Variants in CTNNA2 observed in about 807,000 individuals in gnomAD.
The protein encoded by CTNNA2 is catenin alpha 2, also known as catenin alpha-2.
A neutral mutation model predicts 101.0 loss-of-function variants in CTNNA2; 42 were observed. That is an observed-to-expected ratio of 0.42 (90% CI 0.32 to 0.54). CTNNA2 has a LOEUF of 0.54. Among genes scored for constraint, CTNNA2 ranks in the 20% least tolerant of loss-of-function variants. The probability of loss-of-function intolerance (pLI) is 0.14; values close to 1 mark genes in which losing one functional copy is unlikely to be tolerated. For missense variants in CTNNA2, 871 were observed against 1,223.1 expected, an observed-to-expected ratio of 0.71 and a Z score of 4.29; for synonymous variants, 450 against 456.4, an observed-to-expected ratio of 0.99 and a Z score of 0.18.
At chr2:80,098,419 G>C (rs575105794) in intron 7 of CTNNA2, among the ~76,000 whole-genome samples, 1 of 152,290 alleles carries the variant, frequency 6.6e-6, no homozygotes, top group African/African-American at 2.4e-5. Flanking sequence ...CGCCCCCACG[G>C]GGGGGTTGCC....
chr2:79,277,460 G>T (rs1675242331), intron 2 of CTNNA2, among the ~76,000 whole-genome samples: 1 of 151,972 alleles, frequency 6.6e-6, no homozygotes, highest in Admixed American at 6.6e-5. Flanking sequence ...ATGCAGCCTG[G>T]GGGCAAGACA....
In CTNNA2 at chr2:80,081,674, T is replaced by C. The variant is rs545673267; in HGVS notation, c.1056+171877T>C. Among the ~76,000 whole-genome samples, 9 of 152,240 alleles carry C rather than the reference T, an allele frequency of 5.9e-5. No homozygotes were observed. In the South Asian group the frequency reaches 1.7e-3, roughly 28 times the overall value. On this transcript the variant is annotated intron_variant, in intron 7 of 18. Transcript: ENST00000402739. Reference sequence around the variant, plus strand: ...CTCTTTCTTGCTTACCTTTATTGTTTAATTTCACTTTCTTTTTTTCTCTAT... The same window carrying C: ...CTCTTTCTTGCTTACCTTTATTGTTCAATTTCACTTTCTTTTTTTCTCTAT...
At chr2:79,522,760 A>G (rs981223679) in intron 1 of CTNNA2, among the ~76,000 whole-genome samples, 4 of 152,194 alleles carry the variant, frequency 2.6e-5, no homozygotes, top group Non-Finnish European at 5.9e-5. Flanking sequence ...GGTAGCTGAA[A>G]AGTGAGACTA....
At chr2:80,465,058 G>A (rs1684742922) in intron 9 of CTNNA2, among the ~76,000 whole-genome samples, 1 of 152,066 alleles carries the variant, frequency 6.6e-6, no homozygotes, top group African/African-American at 2.4e-5. Context: ...TGCTCCATTG[G>A]GATGAGAGCT....
intron 7 of CTNNA2, among the ~76,000 whole-genome samples, chr2:80,105,512 C>T (rs986272339): frequency 1.3e-5 from 2 of 152,068 alleles, no homozygotes; most frequent in African/African-American, 4.8e-5. Flanking sequence ...TTGCTTGAGA[C>T]CAGGAGTTCG....
intron 2 of CTNNA2, among the ~76,000 whole-genome samples, chr2:79,292,309 T>G (rs1285647842): frequency 6.6e-6 from 1 of 152,174 alleles, no homozygotes; most frequent in Non-Finnish European, 1.5e-5. Flanking sequence ...TGCTATTTAT[T>G]GGAGCACTGG....
chr2:80,645,993 C>T (rs1248773774), intron 18 of CTNNA2, among the ~76,000 whole-genome samples: 1 of 152,082 alleles, frequency 6.6e-6, no homozygotes, highest in East Asian at 1.9e-4. Flanking sequence ...CACAGCGCAA[C>T]ATTAATTTAG....
intron 7 of CTNNA2, among the ~76,000 whole-genome samples, chr2:80,091,808 A>G (rs1161247499): frequency 6.6e-6 from 1 of 151,816 alleles, no homozygotes; most frequent in Non-Finnish European, 1.5e-5. Flanking sequence ...CAAATCAATC[A>G]GTTGATTTCA....
At chr2:80,341,351 A>G (rs1286895582) in intron 7 of CTNNA2, among the ~76,000 whole-genome samples, 1 of 152,170 alleles carries the variant, frequency 6.6e-6, no homozygotes, top group Non-Finnish European at 1.5e-5. Flanking sequence ...CATCTCATTA[A>G]TATAGAAAAG....
chr2:80,390,384 A>T (rs1677395462), intron 7 of CTNNA2, among the ~76,000 whole-genome samples: 1 of 152,194 alleles, frequency 6.6e-6, no homozygotes, highest in Non-Finnish European at 1.5e-5. Context: ...ATCACTTTTC[A>T]TGTGTTCCCC....
intron 1 of CTNNA2, among the ~76,000 whole-genome samples, chr2:79,552,275 AAAGCTCCAAAGT>A (rs1674153455): frequency 1.3e-5 from 2 of 152,112 alleles, no homozygotes; most frequent in South Asian, 4.1e-4. Context: ...ATTAAACCTA[AAAGCTCCAAAGT>A]AATCTCCTTT....
intron 4 of CTNNA2, among the ~76,000 whole-genome samples, chr2:79,413,492 A>G (rs1021239845): frequency 1.2e-4 from 18 of 152,082 alleles, no homozygotes; most frequent in African/African-American, 4.1e-4. Context: ...GATTTTGAAT[A>G]TTAGTTACTT....
In CTNNA2 at chr2:80,583,114, G is replaced by A. The variant is rs1390338741; in HGVS notation, c.2007+1295G>A. Among the ~76,000 whole-genome samples, 3 of 152,286 alleles carry A rather than the reference G, an allele frequency of 2.0e-5. 1 individual carries two copies. The South Asian group carries it at 6.2e-4, about 32-fold the overall frequency. ...ATTAGAACCATGCTCAAAGCTACAT[G>A]TTGCTTGATTTTTCAGTTTCAGACC... On this transcript the variant is annotated intron_variant, in intron 14 of 18. Coordinates refer to ENST00000402739, the MANE Select transcript of CTNNA2 (RefSeq NM_001282597.3).
At chr2:79,214,829 G>T (rs1469164085) in intron 2 of CTNNA2, among the ~76,000 whole-genome samples, 3 of 151,512 alleles carry the variant, frequency 2.0e-5, no homozygotes, top group Non-Finnish European at 4.4e-5. Flanking sequence ...AAAAAAGAGT[G>T]CATAAAAGTA....
intron 7 of CTNNA2, among the ~76,000 whole-genome samples, chr2:80,058,801 C>T (rs1472802037): frequency 1.3e-5 from 2 of 152,124 alleles, no homozygotes; most frequent in East Asian, 3.9e-4. Context: ...CTGCTAAGCA[C>T]TACACAAAGC....
chr2:79,657,987 A>C (rs1421433901), intron 2 of CTNNA2, among the ~76,000 whole-genome samples: 8 of 151,932 alleles, frequency 5.3e-5, no homozygotes, highest in African/African-American at 1.9e-4. Context: ...ATTACAAGTA[A>C]TATGAAAATG....
chr2:80,159,776 T>TAA (rs1309841745), intron 7 of CTNNA2, among the ~76,000 whole-genome samples: 2 of 152,122 alleles, frequency 1.3e-5, no homozygotes, highest in Non-Finnish European at 1.5e-5. Flanking sequence ...GCCTGGCCCG[T>TAA]AACTTCTTTT....
rs1403212837 is a variant in CTNNA2 at position 79,571,034 on chromosome 2, C to T, written c.-6+57827C>T. Among the ~76,000 whole-genome samples the T allele has an allele frequency of 2.0e-5, 3 of 152,100 alleles. No individual in the cohort carries two copies. In the East Asian group the frequency reaches 5.8e-4, roughly 29 times the overall value. ...ATTTTATATCTGCAGTGATAACAACCCAATTTGTTTTCTTCTGAACTATCT... is the reference window on the plus strand; with the variant it reads ...ATTTTATATCTGCAGTGATAACAACTCAATTTGTTTTCTTCTGAACTATCT... On this transcript the variant is annotated intron_variant, in intron 1 of 18. Coordinates refer to ENST00000402739, the MANE Select transcript of CTNNA2 (RefSeq NM_001282597.3).
At chr2:80,096,003 T>A (rs537108617) in intron 7 of CTNNA2, among the ~76,000 whole-genome samples, 1 of 152,270 alleles carries the variant, frequency 6.6e-6, no homozygotes, top group African/African-American at 2.4e-5. Flanking sequence ...CTCTATTTCC[T>A]TCAGTTCTGC....
Sources: gnomAD v4.1 joint callset for allele counts (sites outside exome capture counted in the v4.1 genomes callset) on GRCh38, gnomAD v4.1.1 for gene constraint, MANE v1.5 for transcripts, NCBI Gene and HGNC (gene_info 2026-07-23, HGNC 2026-07-21) for gene names.